Variants in ADGRL2 observed in about 807,000 individuals in gnomAD.
ADGRL2 encodes calcium-independent alpha-latrotoxin receptor 2.
A neutral mutation model predicts 157.4 loss-of-function variants in ADGRL2; 44 were observed. That is an observed-to-expected ratio of 0.28 (90% confidence interval 0.22 to 0.36). The LOEUF is 0.36. Among genes scored for constraint, ADGRL2 ranks in the 10% least tolerant of loss-of-function variants. ADGRL2 has a pLI of 1.00. For missense variants in ADGRL2, 1,510 were observed against 1,768.9 expected (o/e 0.85, Z 2.63); for synonymous variants, 585 against 624.7 (o/e 0.94, Z 0.95).
chr1:81,968,527 C>T (rs139120446), intron 14 of ADGRL2, among the ~76,000 whole-genome samples: 1,713 of 152,266 alleles, frequency 0.011, 15 homozygotes, highest in Admixed American at 0.017. Context: ...ACATGCCCTT[C>T]CCATCTTGAA....
At chr1:81,860,201 C>T (rs896179299) in intron 2 of ADGRL2, among the ~76,000 whole-genome samples, 12 of 152,080 alleles carry the variant, frequency 7.9e-5, no homozygotes, top group African/African-American at 2.7e-4. Flanking sequence ...TCCAGCCTGG[C>T]GACAGAGTGA....
chr1:81,744,908 G>T (rs147644541), intron 1 of ADGRL2, among the ~76,000 whole-genome samples: 13 of 152,246 alleles, frequency 8.5e-5, no homozygotes, highest in Non-Finnish European at 1.8e-4. Flanking sequence ...ATGTTTCATT[G>T]TTTAAAATAT....
chr1:81,330,955 CTGA>C (rs1437331011), intron 1 of ADGRL2, among the ~76,000 whole-genome samples: 1 of 152,178 alleles, frequency 6.6e-6, no homozygotes, highest in Admixed American at 6.6e-5. Context: ...ATTAATTTGG[CTGA>C]TAAGTACATA....
intron 1 of ADGRL2, among the ~76,000 whole-genome samples, chr1:81,335,038 A>G (rs1260578679): frequency 2.0e-5 from 3 of 152,172 alleles, no homozygotes; most frequent in Non-Finnish European, 4.4e-5. Context: ...GAAACTAACC[A>G]TCACAAATTC....
intron 2 of ADGRL2, chr1:81,501,649 G>C: frequency 7.6e-7 from 1 of 1,324,096 alleles, no homozygotes; most frequent in Non-Finnish European, 1.0e-6. Flanking sequence ...GGGCCTGAGC[G>C]GCCGCCTCCT....
chr1:81,707,718 G>T (rs1354848272), intron 1 of ADGRL2, among the ~76,000 whole-genome samples: 1 of 152,044 alleles, frequency 6.6e-6, no homozygotes, highest in Non-Finnish European at 1.5e-5. Flanking sequence ...AAACCAATCT[G>T]ATAACAAATA....
At position 81,599,612 on chromosome 1, in the gene ADGRL2, A is replaced by C. The variant is rs968025099; in HGVS notation, c.-143+18632A>C. On this transcript the variant is annotated intron_variant, in intron 3 of 24. Transcript: ENST00000370721. ...ATGGAATTAGAATTTCATTGGGTTT[A>C]ATAATTATTAGTTAAAATCAACATA... Among the ~76,000 whole-genome samples, 3 of 152,328 alleles carry C rather than the reference A, an allele frequency of 2.0e-5. No homozygotes were observed. In the East Asian group the frequency reaches 5.8e-4, roughly 29 times the overall value.
intron 1 of ADGRL2, among the ~76,000 whole-genome samples, chr1:81,388,889 T>G (rs944360041): frequency 6.6e-6 from 1 of 152,192 alleles, no homozygotes; most frequent in African/African-American, 2.4e-5. Flanking sequence ...TTCCCTCATC[T>G]TTTGAGGATT....
intron 1 of ADGRL2, among the ~76,000 whole-genome samples, chr1:81,376,750 G>A (rs915828464): frequency 2.0e-5 from 3 of 152,094 alleles, no homozygotes; most frequent in African/African-American, 7.2e-5. Flanking sequence ...CACCCCAGGG[G>A]CTGATCAGCC....
At chr1:81,393,842 T>C (rs1313043540) in intron 1 of ADGRL2, among the ~76,000 whole-genome samples, 1 of 151,726 alleles carries the variant, frequency 6.6e-6, no homozygotes, top group Non-Finnish European at 1.5e-5. Flanking sequence ...TTGCTTTTTT[T>C]TGCTTTTTTC....
intron 3 of ADGRL2, among the ~76,000 whole-genome samples, chr1:81,620,553 CAT>C (rs1432037317): frequency 2.2e-4 from 34 of 152,162 alleles, no homozygotes; most frequent in Non-Finnish European, 1.2e-4. Flanking sequence ...TCATCTAAAA[CAT>C]AGTTTTCTGA....
At chr1:81,377,995 A>G (rs192713512) in intron 1 of ADGRL2, among the ~76,000 whole-genome samples, 1 of 152,262 alleles carries the variant, frequency 6.6e-6, no homozygotes, top group Admixed American at 6.5e-5. Flanking sequence ...CCTGGACAAC[A>G]TGGTGAAACA....
At chr1:81,691,022 G>C (rs2083322445) in intron 3 of ADGRL2, among the ~76,000 whole-genome samples, 1 of 152,224 alleles carries the variant, frequency 6.6e-6, no homozygotes, top group Non-Finnish European at 1.5e-5. Context: ...AAATTTATGA[G>C]ATTCGTATGA....
At chr1:81,310,076 C>T (rs12407452) in intron 1 of ADGRL2, among the ~76,000 whole-genome samples, 30,120 of 152,080 alleles carry the variant, frequency 0.2, 3,130 homozygotes, top group Admixed American at 0.26. Flanking sequence ...CTGGATGCAT[C>T]TGAATGAAAA....
chr1:81,629,667 ATGTGTGTG>A lies in ADGRL2; in HGVS notation c.-143+48711_-143+48718del, dbSNP rs60497907. On this transcript the variant is annotated intron_variant, in intron 3 of 24. Coordinates refer to the ADGRL2 transcript ENST00000370721. Reference sequence around the variant, plus strand: ...TTGTTAAATGAATGAATGAATGTATATGTGTGTGTGTGTGTGTGTGTGTGTGTGTGTAT... The same window carrying A: ...TTGTTAAATGAATGAATGAATGTATATGTGTGTGTGTGTGTGTGTGTGTAT... Among the ~76,000 whole-genome samples, 662 of 149,280 alleles carry A rather than the reference ATGTGTGTG, an allele frequency of 4.4e-3. 1 individual carries two copies. Among genetic ancestry groups the A allele is most frequent in the Non-Finnish European group, 5.5e-3 (371 of 67,322 alleles).
chr1:81,913,858 A>C (rs1407455357), intron 3 of ADGRL2, among the ~76,000 whole-genome samples: 1 of 152,166 alleles, frequency 6.6e-6, no homozygotes, highest in African/African-American at 2.4e-5. Flanking sequence ...TCTTACTGGC[A>C]TGAAAATGTA....
At chr1:81,722,720 C>T (rs1281984000) in intron 1 of ADGRL2, 3 of 944,658 alleles carry the variant, frequency 3.2e-6, no homozygotes, top group Middle Eastern at 6.5e-4. Context: ...ACGTGAAGAG[C>T]GAGAGATCAA....
chr1:81,363,139 A>T (rs1166219693), intron 1 of ADGRL2, among the ~76,000 whole-genome samples: 1 of 152,064 alleles, frequency 6.6e-6, no homozygotes, highest in East Asian at 1.9e-4. Context: ...ATTTGGATGT[A>T]ATTAGTCACA....
intron 1 of ADGRL2, among the ~76,000 whole-genome samples, chr1:81,707,234 G>GA (rs1026441728): frequency 1.3e-5 from 2 of 151,914 alleles, no homozygotes; most frequent in Admixed American, 1.3e-4. Flanking sequence ...TTATCAGGGG[G>GA]AAAAAAAGGA....
Sources: gnomAD v4.1 joint callset for allele counts (sites outside exome capture counted in the v4.1 genomes callset) on GRCh38, gnomAD v4.1.1 for gene constraint, MANE v1.5 for transcripts, NCBI Gene and HGNC (gene_info 2026-07-23, HGNC 2026-07-21) for gene names.